Variants in OSBPL1A observed in about 807,000 individuals in gnomAD.
OSBPL1A encodes oxysterol-binding protein-related protein 1.
In OSBPL1A, 80 loss-of-function variants were observed where a neutral mutation model predicts 137.1. The observed-to-expected ratio is 0.58, with a 90% confidence interval of 0.49 to 0.70. The LOEUF is 0.70. Ranked by LOEUF, OSBPL1A falls within the 30% of genes least tolerant of loss-of-function variation. The pLI is 0.00. For synonymous variants in OSBPL1A, 365 were observed against 389.7 expected (o/e 0.94, Z 0.75); for missense variants, 970 against 1,129.4 (o/e 0.86, Z 2.02).
chr18:24,314,899 C>T (rs1176327736), intron 11 of OSBPL1A, among the ~76,000 whole-genome samples: 2 of 152,136 alleles, frequency 1.3e-5, no homozygotes, highest in African/African-American at 2.4e-5. Context: ...TGACCTTGAG[C>T]AGTAGGATAT....
chr18:24,243,622 C>T (rs1413137454), intron 15 of OSBPL1A, among the ~76,000 whole-genome samples: 1 of 152,228 alleles, frequency 6.6e-6, no homozygotes, highest in Non-Finnish European at 1.5e-5. Context: ...ATAAGCACCA[C>T]TTAGCTGCTA....
intron 13 of OSBPL1A, chr18:24,311,586 A>G (rs887264439): frequency 1.3e-6 from 1 of 743,988 alleles, no homozygotes; most frequent in Non-Finnish European, 1.7e-6. Context: ...AAACCTACCA[A>G]CCAGGAAAGG....
chr18:24,318,508 T>C, intron 9 of OSBPL1A, 93 bp downstream of exon 9: 2 of 1,100,562 alleles, frequency 1.8e-6, no homozygotes, highest in Non-Finnish European at 2.7e-6. Flanking sequence ...TCACATATAC[T>C]TCAGAAATGA....
chr18:24,241,306 C>G (rs1476791288), intron 15 of OSBPL1A, among the ~76,000 whole-genome samples: 1 of 152,120 alleles, frequency 6.6e-6, no homozygotes, highest in Non-Finnish European at 1.5e-5. Flanking sequence ...AGCTTCTGCA[C>G]AGCAAAAGAA....
At chr18:24,231,359 C>G (rs2088271431) in intron 16 of OSBPL1A, among the ~76,000 whole-genome samples, 1 of 152,308 alleles carries the variant, frequency 6.6e-6, no homozygotes, top group East Asian at 1.9e-4. Flanking sequence ...GTGGCGTGAT[C>G]TCAGTTCACT....
chr18:24,303,833 A>T, intron 13 of OSBPL1A, 115 bp from the exon 14 acceptor site: 1 of 735,148 alleles, frequency 1.4e-6, no homozygotes, highest in Non-Finnish European at 2.2e-6. Flanking sequence ...CATAACAGAG[A>T]CATATGCCTT....
At chr18:24,395,677 A>G (rs1046753072) in intron 1 of OSBPL1A, among the ~76,000 whole-genome samples, 1 of 151,686 alleles carries the variant, frequency 6.6e-6, no homozygotes, top group African/African-American at 2.4e-5. Flanking sequence ...CTGCAGTGCA[A>G]CAGCACGATC....
In OSBPL1A at chr18:24,312,043, G is replaced by A; in HGVS notation, c.1033C>T (p.Leu345=). The change falls in exon 13 of 28, where the codon CTG becomes TTG. Residue 345 remains leucine (L), a synonymous_variant. Transcript: ENST00000319481. ...GTATCTTCCTCCTCCTCATCAGTCA[G>A]CTGGTCCTGGGAACAGTAGTGAGTG... ...YSTHYCSQDQ[L]TDEEEEDTVS... 1 of 1,614,066 alleles carries A rather than the reference G, an allele frequency of 6.2e-7. No homozygotes were observed.
chr18:24,373,447 T>C (rs1195130230), intron 2 of OSBPL1A, among the ~76,000 whole-genome samples: 1 of 152,196 alleles, frequency 6.6e-6, no homozygotes, highest in East Asian at 1.9e-4. Context: ...TATTAATATT[T>C]ATTTTATTTG....
chr18:24,377,522 TTC>T lies in OSBPL1A; in HGVS notation c.10_11del (p.Glu4SerfsTer15), dbSNP rs1187097687. On this transcript the variant is annotated frameshift_variant, in exon 2 of 28. Transcript: ENST00000319481. LOFTEE classifies it high-confidence loss of function. The stretch of plus-strand genomic sequence containing the variant: ...CGTGATGGAGAAGCTGTTGCTCCGC[TTC>T]TGTGTTCATTTCTAAATTAAGAAAA... MNT[E>X]AEQQLLHHAR... 6.3e-7 allele frequency: 1 copy of T among 1,594,888 alleles called. No individual in the cohort carries two copies. Among genetic ancestry groups the T allele is most frequent in the Non-Finnish European group, 8.5e-7 (1 of 1,175,396 alleles).
chr18:24,372,111 C>CA (rs1189253668), intron 2 of OSBPL1A, among the ~76,000 whole-genome samples: 9 of 151,448 alleles, frequency 5.9e-5, no homozygotes, highest in African/African-American at 1.9e-4. Context: ...CCTATTTCTA[C>CA]AAAAAATACA....
At chr18:24,259,006 C>T (rs1025058062) in intron 15 of OSBPL1A, among the ~76,000 whole-genome samples, 7 of 140,942 alleles carry the variant, frequency 5.0e-5, no homozygotes, top group Non-Finnish European at 6.0e-5. Context: ...GGCAGGATCT[C>T]GGCTCACTGT....
intron 12 of OSBPL1A, among the ~76,000 whole-genome samples, chr18:24,312,862 G>A (rs943247666): frequency 1.3e-5 from 2 of 152,194 alleles, no homozygotes; most frequent in South Asian, 2.1e-4. Flanking sequence ...TAGGCCTGCC[G>A]CGGTGGCTCA....
chr18:24,213,022 C>A (rs1226884222), intron 17 of OSBPL1A, among the ~76,000 whole-genome samples: 1 of 152,212 alleles, frequency 6.6e-6, no homozygotes, highest in African/African-American at 2.4e-5. Context: ...AAAGTTCTCT[C>A]TGTATATCCA....
At chr18:24,336,134 T>C (rs1467731977) in intron 5 of OSBPL1A, among the ~76,000 whole-genome samples, 3 of 152,240 alleles carry the variant, frequency 2.0e-5, no homozygotes, top group Non-Finnish European at 4.4e-5. Flanking sequence ...TCTGTCATTC[T>C]TGAAGTCAGG....
intron 16 of OSBPL1A, among the ~76,000 whole-genome samples, chr18:24,236,841 T>C (rs544440711): frequency 1.9e-4 from 29 of 152,206 alleles, no homozygotes; most frequent in Non-Finnish European, 3.1e-4. Flanking sequence ...TGGTTCTTTT[T>C]CTCTCTTCCT....
chr18:24,242,011 C>G (rs527416069), intron 15 of OSBPL1A, among the ~76,000 whole-genome samples: 1 of 150,058 alleles, frequency 6.7e-6, no homozygotes, highest in South Asian at 2.1e-4. Flanking sequence ...TCATTCTCAG[C>G]AAACTAACAC....
intron 2 of OSBPL1A, among the ~76,000 whole-genome samples, chr18:24,375,000 A>C (rs1346852238): frequency 1.3e-5 from 2 of 152,134 alleles, no homozygotes. Context: ...AGGGAGATCA[A>C]GACTTTATCA....
chr18:24,170,444 C>T lies in OSBPL1A; in HGVS notation c.2301G>A (p.Lys767=), dbSNP rs751176352. 2 of 1,613,990 alleles carry T rather than the reference C, an allele frequency of 1.2e-6. No homozygotes were observed. Among genetic ancestry groups the T allele is most frequent in the Admixed American group, 1.7e-5 (1 of 59,928 alleles). The stretch of plus-strand genomic sequence containing the variant: ...TCCACTTCCCATAGAGGGCACAGAG[C>T]TTCTTTTTGCTGTCAAGAAAAACTG... ...EGYIQDKSKK[K]LCALYGKWTE... The change falls in exon 24 of 28, where the codon AAG becomes AAA. Residue 767 remains lysine (K), a synonymous_variant. Transcript: ENST00000319481.
Sources: allele counts gnomAD v4.1 joint callset (sites outside exome capture counted in the v4.1 genomes callset), GRCh38; gene constraint gnomAD v4.1.1; transcripts MANE v1.5; gene names NCBI Gene and HGNC (gene_info 2026-07-23, HGNC 2026-07-21).